The following ARHGEF10 variants were observed in gnomAD, a reference collection of about 807,000 sequenced individuals.
ARHGEF10 encodes the protein Rho guanine nucleotide exchange factor 10, also known as Rho guanine nucleotide exchange factor (GEF) 10.
In ARHGEF10, 140 loss-of-function variants were observed where a neutral mutation model predicts 147.4. The ratio of observed to expected loss-of-function variants is 0.95; its 90% CI spans 0.83 to 1.09. ARHGEF10 has a LOEUF of 1.09. Among genes scored for constraint, ARHGEF10 ranks in the 50% least tolerant of loss-of-function variants. The probability of loss-of-function intolerance (pLI) is 0.00; values close to 1 mark genes in which losing one functional copy is unlikely to be tolerated. For synonymous variants in ARHGEF10, 902 were observed against 695.8 expected, an observed-to-expected ratio of 1.30 and a Z score of -4.67; for missense variants, 2,222 against 1,752.7, an observed-to-expected ratio of 1.27 and a Z score of -4.78.
chr8:1,909,570 C>T lies in ARHGEF10; in HGVS notation c.2143+100C>T, dbSNP rs1811204081. 2.7e-6 allele frequency: 4 copies of T among 1,494,708 alleles called. No individual in the cohort carries two copies. In the Admixed American group the frequency reaches 7.7e-5, roughly 29 times the overall value. The allele number at this position is 1,494,708 out of a possible 1,614,324, so 92.6% of individuals were successfully genotyped here. A position where few individuals can be genotyped will look rare whatever the true frequency, so the allele number is the denominator to read the frequency against. On this transcript the variant is annotated intron_variant, in intron 18 of 28. Transcript: ENST00000349830. ...GCGTAAGCTCCACCATCAGCAGGTT[C>T]AGGGTTTAACATGGCAAGTCTGCAG...
At position 1,876,764 on chromosome 8, in the gene ARHGEF10, G is replaced by GT. The variant is rs750827928; in HGVS notation, c.843+32dup. On this transcript the variant is annotated intron_variant, in intron 8 of 28. Transcript: ENST00000349830. ...GTGTTCCCTGCACATGTGAGGGATGGTTCTCTCGCGTTAACACGGACAGGG... is the reference window on the plus strand; with the variant it reads ...GTGTTCCCTGCACATGTGAGGGATGGTTTCTCTCGCGTTAACACGGACAGGG... 3.1e-6 allele frequency: 5 copies of GT among 1,609,382 alleles called. No homozygotes were observed. In the Admixed American group the frequency reaches 8.3e-5, roughly 27 times the overall value.
rs142010865 is a variant in ARHGEF10, at chr8:1,928,540, C to T, written c.2811C>T (p.Tyr937=). The change falls in exon 24 of 29, where the codon TAC becomes TAT. Residue 937 remains tyrosine, a synonymous_variant. Transcript: ENST00000349830. The part of the protein sequence containing the change: ...NVESRILCML[Y]VPVEEKRREP... The stretch of plus-strand genomic sequence containing the variant: ...AATCTCGCATCCTGTGCATGCTGTA[C>T]GTTCCCGTCGAGGAGAAGCGCAGAG... 42 of 1,614,088 alleles carry T rather than the reference C, an allele frequency of 2.6e-5. No individual in the cohort carries two copies. The highest frequency in any genetic ancestry group is 1.6e-4 in the Middle Eastern group (1 of 6,084).
At chr8:1,934,074 C>A (rs1360410959) in intron 26 of ARHGEF10, 132 bp downstream of exon 26, 16 of 1,212,098 alleles carry the variant, frequency 1.3e-5, no homozygotes, top group Non-Finnish European at 1.5e-5. Flanking sequence ...GTGGCTCATG[C>A]CTGTAATGCC....
At chr8:1,832,077 G>A (rs1418698748) in intron 1 of ARHGEF10, among the ~76,000 whole-genome samples, 3 of 152,194 alleles carry the variant, frequency 2.0e-5, no homozygotes, top group South Asian at 2.1e-4. Flanking sequence ...GAGGAGCAGC[G>A]GTGGGTCGAG....
chr8:1,841,504 C>G (rs1655096452), intron 1 of ARHGEF10, among the ~76,000 whole-genome samples: 1 of 152,108 alleles, frequency 6.6e-6, no homozygotes, highest in Admixed American at 6.5e-5. Flanking sequence ...GAGTGTGTTA[C>G]GGTGTCCAGA....
At chr8:1,895,132 A>G (rs1466936418) in intron 13 of ARHGEF10, among the ~76,000 whole-genome samples, 1 of 152,200 alleles carries the variant, frequency 6.6e-6, no homozygotes, top group Non-Finnish European at 1.5e-5. Context: ...TGATGTTGCA[A>G]CAGCTTGCCT....
Position 1,936,051 on chromosome 8 carries a change from C to G in ARHGEF10, c.3222+2109C>G, listed in dbSNP as rs1195587185. The stretch of plus-strand genomic sequence containing the variant: ...ATGATGAGGAAAAGGCTACATACTT[C>G]CCCTCACACCTGCATTTTTCAGCCG... On this transcript the variant is annotated intron_variant, in intron 26 of 28. Transcript: ENST00000349830. Among the ~76,000 whole-genome samples the G allele has an allele frequency of 3.3e-5, 5 of 152,204 alleles. No homozygotes were observed. In the South Asian group the frequency reaches 6.2e-4, roughly 19 times the overall value.
At chr8:1,941,135 A>G (rs566603780) in intron 26 of ARHGEF10, among the ~76,000 whole-genome samples, 1 of 152,350 alleles carries the variant, frequency 6.6e-6, no homozygotes, top group South Asian at 2.1e-4. Context: ...TAGACAAGGG[A>G]AAAAGAGTGG....
intron 16 of ARHGEF10, chr8:1,903,877 G>T: frequency 4.0e-6 from 1 of 250,882 alleles, no homozygotes; most frequent in Admixed American, 5.2e-5. Context: ...GAAGATCGCT[G>T]GAACCCAGGA....
chr8:1,880,490 A>T (rs1187141806), intron 9 of ARHGEF10, among the ~76,000 whole-genome samples: 1 of 152,166 alleles, frequency 6.6e-6, no homozygotes, highest in Admixed American at 6.5e-5. Context: ...AAATACAGCA[A>T]TTTTTCATCA....
intron 15 of ARHGEF10, among the ~76,000 whole-genome samples, chr8:1,900,811 A>C (rs866028633): frequency 1.3e-5 from 2 of 152,170 alleles, no homozygotes; most frequent in Non-Finnish European, 1.5e-5. Flanking sequence ...AGAGTTACGT[A>C]GGTCAGTTTG....
At chr8:1,929,582 C>A in intron 25 of ARHGEF10, 139 bp downstream of exon 25, 1 of 1,038,558 alleles carries the variant, frequency 9.6e-7, no homozygotes, top group Non-Finnish European at 1.4e-6. Flanking sequence ...GTCACCCTTG[C>A]CCAAGGCCCG....
At chr8:1,831,392 G>A (rs1185477510) in intron 1 of ARHGEF10, among the ~76,000 whole-genome samples, 10 of 50,154 alleles carry the variant, frequency 2.0e-4, no homozygotes, top group African/African-American at 3.4e-4. Flanking sequence ...AGTGGCAGCC[G>A]TGGAGGGACA....
chr8:1,838,750 G>C (rs1803743089), intron 1 of ARHGEF10, among the ~76,000 whole-genome samples: 1 of 151,730 alleles, frequency 6.6e-6, no homozygotes, highest in Admixed American at 6.6e-5. Context: ...TGCAGCGTGG[G>C]GGCCATCTGG....
chr8:1,887,849 T>C (rs1563232703), intron 11 of ARHGEF10, among the ~76,000 whole-genome samples: 1 of 139,244 alleles, frequency 7.2e-6, no homozygotes, highest in Non-Finnish European at 1.5e-5. Flanking sequence ...AGACACTGAG[T>C]GGGATGTGAG....
chr8:1,881,286 C>T (rs1808172271), intron 9 of ARHGEF10, among the ~76,000 whole-genome samples: 1 of 147,544 alleles, frequency 6.8e-6, no homozygotes, highest in African/African-American at 2.6e-5. Context: ...TGCTCTGGGG[C>T]TCAGGGAGCA....
chr8:1,890,705 G>T (rs953286827), intron 11 of ARHGEF10, among the ~76,000 whole-genome samples: 2 of 152,010 alleles, frequency 1.3e-5, no homozygotes, highest in Non-Finnish European at 2.9e-5. Context: ...GGGTCACGGG[G>T]TCCGTGGGGT....
intron 2 of ARHGEF10, among the ~76,000 whole-genome samples, chr8:1,848,875 G>C (rs551415467): frequency 6.6e-6 from 1 of 151,862 alleles, no homozygotes; most frequent in Non-Finnish European, 1.5e-5. Flanking sequence ...TTTTTTCCCT[G>C]ACAAACCTAG....
chr8:1,894,666 G>A, intron 13 of ARHGEF10, 94 bp downstream of exon 13: 2 of 1,414,892 alleles, frequency 1.4e-6, no homozygotes, highest in South Asian at 1.2e-5. Context: ...CTGATCTCCT[G>A]CAAGCTGACA....
Sources: gnomAD v4.1 joint callset for allele counts (sites outside exome capture counted in the v4.1 genomes callset) on GRCh38, gnomAD v4.1.1 for gene constraint, MANE v1.5 for transcripts, NCBI Gene and HGNC (gene_info 2026-07-23, HGNC 2026-07-21) for gene names.